ZFYVE26: variants seen among roughly 807,000 people sequenced by gnomAD.
ZFYVE26 encodes zinc finger FYVE domain-containing protein 26.
In ZFYVE26, 181 loss-of-function variants were observed where a neutral mutation model predicts 276.5. The observed-to-expected ratio is 0.65, with a 90% CI of 0.58 to 0.74. The LOEUF is 0.74. ZFYVE26 is among the 30% of genes least tolerant of loss of function. The pLI is 0.00. For synonymous variants in ZFYVE26, 1,129 were observed against 1,203.1 expected, an observed-to-expected ratio of 0.94 and a Z score of 1.27; for missense variants, 2,821 against 3,097.9, an observed-to-expected ratio of 0.91 and a Z score of 2.12.
At chr14:67,777,833 T>C in intron 24 of ZFYVE26, 98 bp from the exon 25 acceptor site, 1 of 1,490,422 alleles carries the variant, frequency 6.7e-7, no homozygotes, top group Non-Finnish European at 9.3e-7. Context: ...TTTACTCATT[T>C]TGGACTAACC....
Position 67,815,942 on chromosome 14 carries a change from C to T in ZFYVE26, c.22G>A (p.Glu8Lys). Residue 8 changes from glutamate (E) to lysine (K), a missense_variant, in exon 2 of 42, where the codon GAG (glutamate) becomes AAG (lysine). By Grantham distance (56) the Glu-to-Lys change is moderately conservative. Coordinates refer to ENST00000347230, the MANE Select transcript of ZFYVE26 (RefSeq NM_015346.4). Reference protein sequence around the residue: MNHPFGKEEAASQKQLFG... With the variant: MNHPFGKKEAASQKQLFG... ...AGCTGCTTCTGCGAAGCAGCTTCCT[C>T]TTTTCCAAATGGATGATTCATTTTC... 2 of 1,612,662 alleles carry T rather than the reference C, an allele frequency of 1.2e-6. No individual in the cohort carries two copies. The highest frequency in any genetic ancestry group is 1.7e-6 in the Non-Finnish European group (2 of 1,179,580).
chr14:67,777,063 C>T (rs2039363724), intron 25 of ZFYVE26, among the ~76,000 whole-genome samples: 1 of 152,246 alleles, frequency 6.6e-6, no homozygotes, highest in Non-Finnish European at 1.5e-5. Context: ...AACTAACCCT[C>T]TTCCACTAGC....
chr14:67,766,346 G>C lies in ZFYVE26; in HGVS notation c.5892C>G (p.Gly1964=). Residue 1964 remains glycine (G), a synonymous_variant, in exon 32 of 42, where the codon GGC becomes GGG. Transcript: ENST00000347230. ...CGGCATCCACCTCTGGGTTGGTGAGGCCCTTGGAGAGCCTGCAGCAGTGCT... is the reference window on the plus strand; with the variant it reads ...CGGCATCCACCTCTGGGTTGGTGAGCCCCTTGGAGAGCCTGCAGCAGTGCT... The part of the protein sequence containing the change: ...LIEHCCRLSK[G]LTNPEVDAGL... 6.2e-7 allele frequency: 1 copy of C among 1,613,358 alleles called. No individual in the cohort carries two copies. The highest frequency in any genetic ancestry group is 1.1e-5 in the South Asian group (1 of 91,040).
At chr14:67,781,625 C>A in intron 21 of ZFYVE26, 96 bp from the exon 22 acceptor site, 1 of 1,157,058 alleles carries the variant, frequency 8.6e-7, no homozygotes, top group Non-Finnish European at 1.3e-6. Context: ...TCTTCAATCT[C>A]GTAAAAGAGG....
intron 23 of ZFYVE26, among the ~76,000 whole-genome samples, 159 bp downstream of exon 23, chr14:67,780,082 A>G (rs2039455813): frequency 6.6e-6 from 1 of 152,046 alleles, no homozygotes; most frequent in South Asian, 2.1e-4. Context: ...CGTGGTCTCG[A>G]TCTCCTGACC....
chr14:67,744,479 C>T (rs917283967), downstream of ZFYVE26, among the ~76,000 whole-genome samples: 5 of 151,972 alleles, frequency 3.3e-5, no homozygotes, highest in South Asian at 2.1e-4. Flanking sequence ...ATACATGTGC[C>T]GTGGTGGTCT....
chr14:67,808,498 C>T (rs1382999009), intron 4 of ZFYVE26, among the ~76,000 whole-genome samples: 3 of 151,972 alleles, frequency 2.0e-5, no homozygotes, highest in Non-Finnish European at 4.4e-5. Context: ...GTCCTTCTTC[C>T]TCAGTCACCT....
intron 13 of ZFYVE26, chr14:67,735,237 C>T (rs1178291890): frequency 1.0e-5 from 14 of 1,395,002 alleles, no homozygotes; most frequent in African/African-American, 8.5e-5. Context: ...GGTGCTCCCA[C>T]GAGACACAGC....
At chr14:67,771,995 A>G (rs2039221841) in intron 28 of ZFYVE26, 52 bp downstream of exon 28, 1 of 1,596,456 alleles carries the variant, frequency 6.3e-7, no homozygotes, top group African/African-American at 1.3e-5. Flanking sequence ...CATGAACTAG[A>G]ATTCTCCTTT....
chr14:67,782,999 G>A lies in ZFYVE26; in HGVS notation c.4153C>T (p.Gln1385Ter), dbSNP rs2039544464. Residue 1385 changes from glutamine (Q) to a stop codon, truncating the protein, a stop_gained, in exon 21 of 42, where the codon CAG (glutamine) becomes TAG (stop). Coordinates refer to ENST00000347230, the MANE Select transcript of ZFYVE26 (RefSeq NM_015346.4). LOFTEE classifies it high-confidence loss of function. ...CCACAGAGATTCACTGCCAGACTCTGCCCCTGCTGCAAAGACCCTCGCAGG... is the reference window on the plus strand; with the variant it reads ...CCACAGAGATTCACTGCCAGACTCTACCCCTGCTGCAAAGACCCTCGCAGG... ...EPLRGSLQQG[Q>*]SLAVNLCGWA... is the part of the protein sequence containing the mutation. 6.2e-7 allele frequency: 1 copy of A among 1,614,216 alleles called. No homozygotes were observed. The highest frequency in any genetic ancestry group is 8.5e-7 in the Non-Finnish European group (1 of 1,180,044).
exon 14 of ZFYVE26, chr14:67,729,257 CCCTGCTCTG>C: frequency 1.1e-5 from 18 of 1,608,970 alleles, no homozygotes; most frequent in Non-Finnish European, 1.5e-5. Flanking sequence ...CGGCACTCCT[CCCTGCTCTG>C]CCTGCTCTGG....
chr14:67,810,073 C>T (rs760868907), intron 3 of ZFYVE26, among the ~76,000 whole-genome samples: 14 of 152,124 alleles, frequency 9.2e-5, no homozygotes, highest in African/African-American at 1.2e-4. Context: ...CGTGAGCCAC[C>T]GTGCCTGGCA....
rs757672291 is a variant in ZFYVE26 at position 67,781,438 on chromosome 14, C to A, written c.4464G>T (p.Glu1488Asp). Residue 1488 changes from glutamate (E) to aspartate (D), a missense_variant, in exon 22 of 42, where the codon GAG (glutamate) becomes GAT (aspartate). By Grantham distance (45) the Glu-to-Asp change is conservative. Transcript: ENST00000347230. ...AGTAGGCCAGAATCTCCAGGCATGA[C>A]TCCAGGGGCCACCTGTCCACAAACT... is the stretch of plus-strand genomic sequence containing the variant. ...ALQFVDRWPL[E>D]SCLEILAYCI... The A allele has an allele frequency of 6.2e-7, 1 of 1,614,220 alleles. No individual in the cohort carries two copies. Among genetic ancestry groups the A allele is most frequent in the South Asian group, 1.1e-5 (1 of 91,090 alleles).
chr14:67,795,429 C>T (rs2039931634), intron 12 of ZFYVE26, among the ~76,000 whole-genome samples: 2 of 152,224 alleles, frequency 1.3e-5, no homozygotes, highest in Admixed American at 1.3e-4. Context: ...GTTGCCCTGA[C>T]ATCTGCAGGT....
intron 13 of ZFYVE26, among the ~76,000 whole-genome samples, chr14:67,739,767 A>T (rs1256036060): frequency 1.3e-5 from 2 of 152,204 alleles, no homozygotes; most frequent in Admixed American, 1.3e-4. Context: ...ACAGGTGTTC[A>T]CCCAAGTTTT....
intron 20 of ZFYVE26, among the ~76,000 whole-genome samples, 181 bp from the exon 21 acceptor site, chr14:67,783,706 G>A (rs766727669): frequency 6.6e-6 from 1 of 151,800 alleles, no homozygotes; most frequent in Non-Finnish European, 1.5e-5. Flanking sequence ...ATGTTTTCAC[G>A]AACACTTCTG....
intron 23 of ZFYVE26, among the ~76,000 whole-genome samples, chr14:67,779,230 C>T (rs1378566474): frequency 2.6e-5 from 4 of 152,106 alleles, no homozygotes; most frequent in African/African-American, 9.7e-5. Context: ...CAATGAGATA[C>T]CATCTTATTG....
chr14:67,798,923 G>A (rs1172850979), intron 10 of ZFYVE26: 4 of 1,050,512 alleles, frequency 3.8e-6, no homozygotes, highest in Admixed American at 1.9e-5. Context: ...GCTGAGCTCC[G>A]CTTGGCGCCT....
chr14:67,758,930 C>T (rs2140189337), intron 35 of ZFYVE26, among the ~76,000 whole-genome samples: 1 of 152,204 alleles, frequency 6.6e-6, no homozygotes, highest in Middle Eastern at 3.4e-3. Flanking sequence ...CCACTGCTCC[C>T]AACAAATATG....
Sources: gnomAD v4.1 joint callset for allele counts (sites outside exome capture counted in the v4.1 genomes callset) on GRCh38, gnomAD v4.1.1 for gene constraint, MANE v1.5 for transcripts, NCBI Gene and HGNC (gene_info 2026-07-23, HGNC 2026-07-21) for gene names.